Variants in HHIPL1 observed in about 807,000 individuals in gnomAD.
HHIPL1 encodes HHIP like 1, also known as HHIP-like protein 1.
A neutral mutation model predicts 61.8 loss-of-function variants in HHIPL1; 43 were observed. The observed-to-expected ratio is 0.70, with a 90% CI of 0.55 to 0.90. The LOEUF is 0.90. Among genes scored for constraint, HHIPL1 ranks in the 40% least tolerant of loss-of-function variants. The probability of loss-of-function intolerance (pLI) is 0.00; values close to 1 mark genes in which losing one functional copy is unlikely to be tolerated. For missense variants in HHIPL1, 1,056 were observed against 1,157.7 expected, an observed-to-expected ratio of 0.91 and a Z score of 1.28; for synonymous variants, 482 against 515.8, an observed-to-expected ratio of 0.93 and a Z score of 0.89.
chr14:99,667,711 G>A (rs2056268362), intron 6 of HHIPL1, among the ~76,000 whole-genome samples: 1 of 152,210 alleles, frequency 6.6e-6, no homozygotes, highest in African/African-American at 2.4e-5. Flanking sequence ...ATCATAGCTA[G>A]CTAATGCTGA....
chr14:99,645,169 G>T lies in HHIPL1; in HGVS notation c.-39G>T. On this transcript the variant is annotated 5_prime_UTR_variant, in exon 1 of 9. Transcript: ENST00000330710. ...GCGAGCGCCCCGGGAGGGGACCGGGGCTGCCGTCCCTCCGCCTCTTCCCCC... is the reference window on the plus strand; with the variant it reads ...GCGAGCGCCCCGGGAGGGGACCGGGTCTGCCGTCCCTCCGCCTCTTCCCCC... 2 of 1,258,610 alleles carry T rather than the reference G, an allele frequency of 1.6e-6. No homozygotes were observed. 78.0% of individuals were successfully genotyped at this position (1,258,610 alleles called of 1,614,324 possible).
intron 1 of HHIPL1, among the ~76,000 whole-genome samples, chr14:99,646,827 G>GATATAATATAATATA (rs1315968412): frequency 1.2e-5 from 1 of 84,876 alleles, no homozygotes; most frequent in Non-Finnish European, 2.6e-5. Context: ...GATATGATAT[G>GATATAATATAATATA]ATATGATATA....
intron 1 of HHIPL1, among the ~76,000 whole-genome samples, chr14:99,649,140 G>A (rs866380020): frequency 1.3e-5 from 2 of 152,316 alleles, no homozygotes; most frequent in South Asian, 2.1e-4. Flanking sequence ...TACGTCGTGT[G>A]TAAGTAAGAG....
intron 2 of HHIPL1, among the ~76,000 whole-genome samples, chr14:99,656,778 AAAG>A (rs1285788913): frequency 2.5e-4 from 1 of 3,994 alleles, no homozygotes; most frequent in African/African-American, 2.7e-4. Flanking sequence ...CTGTCTGCAA[AAAG>A]AAAAGAAAAG....
At chr14:99,666,158 C>A (rs770785593) in intron 6 of HHIPL1, among the ~76,000 whole-genome samples, 5 of 152,186 alleles carry the variant, frequency 3.3e-5, no homozygotes, top group Non-Finnish European at 5.9e-5. Context: ...GGTTCTATGA[C>A]TGGCTTTGGG....
At chr14:99,633,533 G>A in the HHIPL1 span, among the ~76,000 whole-genome samples, 21 of 152,338 alleles carry the variant, frequency 1.4e-4, no homozygotes, top group Admixed American at 9.8e-4. Flanking sequence ...GGCCCAGCTA[G>A]GGGCCGTGAA....
chr14:99,616,204 T>C, the HHIPL1 span, among the ~76,000 whole-genome samples: 1 of 152,216 alleles, frequency 6.6e-6, no homozygotes, highest in Non-Finnish European at 1.5e-5. Flanking sequence ...TCAGTACAGG[T>C]ACATGCTGTA....
At chr14:99,608,248 A>G in the HHIPL1 span, among the ~76,000 whole-genome samples, 1 of 152,266 alleles carries the variant, frequency 6.6e-6, no homozygotes, top group East Asian at 1.9e-4. Context: ...TAAGCCTCAG[A>G]AGGAAGCTGG....
At chr14:99,651,905 G>A (rs1413731002) in intron 1 of HHIPL1, among the ~76,000 whole-genome samples, 1 of 152,164 alleles carries the variant, frequency 6.6e-6, no homozygotes, top group Non-Finnish European at 1.5e-5. Flanking sequence ...ATGTAGGGGC[G>A]GAGGCGCACT....
the HHIPL1 span, among the ~76,000 whole-genome samples, chr14:99,624,054 A>G: frequency 6.6e-6 from 1 of 152,208 alleles, no homozygotes; most frequent in East Asian, 1.9e-4. Flanking sequence ...TTGAGCCCAC[A>G]AGGCAGCCAG....
chr14:99,663,989 C>T (rs908000809), intron 6 of HHIPL1, among the ~76,000 whole-genome samples: 14 of 152,180 alleles, frequency 9.2e-5, no homozygotes, highest in Admixed American at 4.6e-4. Flanking sequence ...TATTTCAAAG[C>T]GGGTGGACAC....
chr14:99,621,718 T>C, the HHIPL1 span, among the ~76,000 whole-genome samples: 9 of 132,938 alleles, frequency 6.8e-5, no homozygotes, highest in Admixed American at 1.5e-4. Flanking sequence ...TCTTTTTTTT[T>C]TTTTTTTTTT....
At chr14:99,651,807 A>G (rs541649833) in intron 1 of HHIPL1, among the ~76,000 whole-genome samples, 8 of 152,262 alleles carry the variant, frequency 5.3e-5, no homozygotes, top group African/African-American at 1.9e-4. Context: ...GCCGGAAGGT[A>G]CTAGAGGGTG....
intron 2 of HHIPL1, among the ~76,000 whole-genome samples, chr14:99,653,329 T>TTG (rs1555376966): frequency 6.6e-6 from 1 of 150,938 alleles, no homozygotes; most frequent in African/African-American, 2.4e-5. Flanking sequence ...GGTGCCATCT[T>TTG]TTTTGTTTTG....
intron 1 of HHIPL1, among the ~76,000 whole-genome samples, chr14:99,650,598 C>T (rs2149415): frequency 0.19 from 28,736 of 152,196 alleles, 3,114 homozygotes; most frequent in East Asian, 0.27. Context: ...GGCTCAAACC[C>T]CAGCCCACTG....
Position 99,663,029 on chromosome 14 carries a change from C to A in HHIPL1, c.1648+8C>A. 2 of 1,587,052 alleles carry A rather than the reference C, an allele frequency of 1.3e-6. No homozygotes were observed. Among genetic ancestry groups the A allele is most frequent in the South Asian group, 1.2e-5 (1 of 85,252 alleles). On this transcript the variant is annotated splice_region_variant and intron_variant, in intron 6 of 8. Transcript: ENST00000330710. Reference sequence around the variant, plus strand: ...TCGGGGAGGACGAGGCCGGTGAGCACTCCTGAGACCTCTCCTTGCTGGTTG... The same window carrying A: ...TCGGGGAGGACGAGGCCGGTGAGCAATCCTGAGACCTCTCCTTGCTGGTTG...
At chr14:99,635,609 C>T in the HHIPL1 span, among the ~76,000 whole-genome samples, 1 of 152,140 alleles carries the variant, frequency 6.6e-6, no homozygotes, top group Non-Finnish European at 1.5e-5. Flanking sequence ...TCAGGCTCCC[C>T]TTTCACCCTC....
intron 1 of HHIPL1, among the ~76,000 whole-genome samples, chr14:99,645,765 T>C (rs1474342277): frequency 6.6e-6 from 1 of 152,226 alleles, no homozygotes; most frequent in Admixed American, 6.5e-5. Context: ...GGGGCTCTTC[T>C]GCCCCAGTCC....
At chr14:99,643,868 C>T (rs919470114), upstream of HHIPL1, among the ~76,000 whole-genome samples, 2 of 152,206 alleles carry the variant, frequency 1.3e-5, no homozygotes, top group African/African-American at 2.4e-5. Context: ...GAGGGTCCAG[C>T]TTTGACAAGG....
Sources: gnomAD v4.1 joint callset for allele counts (sites outside exome capture counted in the v4.1 genomes callset) on GRCh38, gnomAD v4.1.1 for gene constraint, MANE v1.5 for transcripts, NCBI Gene and HGNC (gene_info 2026-07-23, HGNC 2026-07-21) for gene names.